The following TMEM14C variants were observed in gnomAD, a reference collection of about 807,000 sequenced individuals.
TMEM14C encodes transmembrane protein 14C, also known as chromosome 6 open reading frame 53.
In TMEM14C, 13 loss-of-function variants were observed where a neutral mutation model predicts 14.8. That is an observed-to-expected ratio of 0.88 (90% CI 0.57 to 1.40). TMEM14C has a LOEUF of 1.40. TMEM14C is among the 40% of genes most tolerant of loss of function. TMEM14C has a pLI of 0.00. For missense variants in TMEM14C, 142 were observed against 138.8 expected (o/e 1.02, Z -0.12); for synonymous variants, 57 against 51.3 (o/e 1.11, Z -0.48).
At chr6:10,726,131 C>A in intron 4 of TMEM14C, 123 bp downstream of exon 4, 4 of 1,057,150 alleles carry the variant, frequency 3.8e-6, no homozygotes, top group Non-Finnish European at 5.6e-6. Context: ...TTCACTGCTT[C>A]TACCAAGTCC....
At chr6:10,730,545 A>T in intron 5 of TMEM14C, 70 bp from the exon 6 acceptor site, 1 of 1,475,724 alleles carries the variant, frequency 6.8e-7, no homozygotes, top group Non-Finnish European at 9.4e-7. Flanking sequence ...CCAGCAGTTT[A>T]GTTCCTTAAA....
rs1380141884 is a variant in TMEM14C, at chr6:10,728,728, G to A, written c.287+1G>A. ...CTGCAGGTTTAATTGCAGGTGCCAG[G>A]TACTTTCATTCTATTACTCTTCTTT... On this transcript the variant is annotated splice_donor_variant, in intron 5 of 5. Transcript: ENST00000229563. LOFTEE classifies it high-confidence loss of function. The A allele has an allele frequency of 1.2e-6, 2 of 1,614,056 alleles. No homozygotes were observed. Among genetic ancestry groups the A allele is most frequent in the East Asian group, 2.2e-5 (1 of 44,898 alleles).
intron 3 of TMEM14C, among the ~76,000 whole-genome samples, chr6:10,725,262 A>G (rs541718346): frequency 6.6e-6 from 1 of 152,218 alleles, no homozygotes; most frequent in Admixed American, 6.5e-5. Flanking sequence ...TTGCCTCTTT[A>G]TCTACAGATA....
rs543928272 is a variant in TMEM14C at position 10,724,545 on chromosome 6, C to T, written c.-44-25C>T. 2.9e-3 allele frequency: 4,447 copies of T among 1,556,848 alleles called. 127 individuals carry two copies. In the African/African-American group the frequency reaches 0.051, roughly 18 times the overall value. On this transcript the variant is annotated intron_variant, in intron 1 of 5. Transcript: ENST00000229563. ...GCTGGAGAGCTGTGCTTTTAACTAC[C>T]TCTGATCCAGCTTGTTTTCTGCAGG...
intron 3 of TMEM14C, 152 bp from the exon 4 acceptor site, chr6:10,725,755 C>T: frequency 1.1e-6 from 1 of 879,766 alleles, no homozygotes; most frequent in Non-Finnish European, 1.7e-6. Flanking sequence ...AGCACACTCT[C>T]TGTAACGTCT....
At chr6:10,727,570 C>T (rs887608884) in intron 4 of TMEM14C, among the ~76,000 whole-genome samples, 2 of 152,056 alleles carry the variant, frequency 1.3e-5, no homozygotes, top group African/African-American at 2.4e-5. Context: ...TAACTCCTGA[C>T]TTCAGGTTTG....
chr6:10,724,692 C>T lies in TMEM14C; in HGVS notation c.20+59C>T, dbSNP rs1285982731. 12 of 1,536,712 alleles carry T rather than the reference C, an allele frequency of 7.8e-6. No individual in the cohort carries two copies. The Admixed American group carries it at 1.4e-4, about 18-fold the overall frequency. On this transcript the variant is annotated intron_variant, in intron 2 of 5. Transcript: ENST00000229563. ...AGCTTCTGGAAACCAGAGTTCCTTT[C>T]CTTAGCTGAAAAGAACCTTAAGAGT...
At chr6:10,730,500 C>T in intron 5 of TMEM14C, 115 bp from the exon 6 acceptor site, 1 of 997,072 alleles carries the variant, frequency 1.0e-6, no homozygotes, top group Non-Finnish European at 1.5e-6. Context: ...ACCACTCTTG[C>T]CTTAGTACCT....
chr6:10,727,817 T>C (rs1770911361), intron 4 of TMEM14C, among the ~76,000 whole-genome samples: 1 of 151,448 alleles, frequency 6.6e-6, no homozygotes, highest in Non-Finnish European at 1.5e-5. Flanking sequence ...CAAGACTCTG[T>C]CTCAAAAATT....
chr6:10,726,487 C>G (rs1465759210), intron 4 of TMEM14C, among the ~76,000 whole-genome samples: 1 of 152,170 alleles, frequency 6.6e-6, no homozygotes, highest in South Asian at 2.1e-4. Flanking sequence ...GTGAGAAGTT[C>G]GAGACCAGCC....
chr6:10,725,945 A>T lies in TMEM14C; in HGVS notation c.136A>T (p.Ser46Cys), dbSNP rs184417500. Residue 46 changes from serine (S) to cysteine (C), a missense_variant, in exon 4 of 6, where the codon AGT becomes TGT. Physicochemically the swap from Ser to Cys is moderately radical, Grantham distance 112. Coordinates refer to ENST00000229563, the MANE Select transcript of TMEM14C (RefSeq NM_016462.4). ...PSLAAGLLFG[S>C]LAGLGAYQLS... ...CCTGGCTGCAGGGCTGCTCTTTGGC[A>T]GTCTAGCCGGCCTGGGTGCTTACCA... 8.7e-6 allele frequency: 14 copies of T among 1,614,078 alleles called. No homozygotes were observed. The East Asian group carries it at 3.1e-4, about 36-fold the overall frequency.
At chr6:10,730,514 C>T (rs903855014) in intron 5 of TMEM14C, 101 bp from the exon 6 acceptor site, 3 of 1,166,568 alleles carry the variant, frequency 2.6e-6, no homozygotes, top group South Asian at 1.6e-5. Context: ...AGTACCTCCT[C>T]CCCCACGCAG....
chr6:10,724,883 C>CT, intron 2 of TMEM14C, 78 bp from the exon 3 acceptor site: 1 of 1,543,212 alleles, frequency 6.5e-7, no homozygotes, highest in Non-Finnish European at 9.0e-7. Context: ...GAATGATTAC[C>CT]TTTTAGTCCC....
chr6:10,729,350 G>A (rs1187218718), intron 5 of TMEM14C, among the ~76,000 whole-genome samples: 1 of 152,072 alleles, frequency 6.6e-6, no homozygotes, highest in East Asian at 1.9e-4. Flanking sequence ...GGCCAGGCTG[G>A]TCTGGAACTC....
intron 5 of TMEM14C, 51 bp downstream of exon 5, chr6:10,728,778 C>T (rs1770944486): frequency 6.2e-7 from 1 of 1,612,922 alleles, no homozygotes; most frequent in African/African-American, 1.3e-5. Flanking sequence ...AGTTTATTCC[C>T]CAGGATACCT....
chr6:10,726,473 C>T (rs1201265016), intron 4 of TMEM14C, among the ~76,000 whole-genome samples: 1 of 152,190 alleles, frequency 6.6e-6, no homozygotes, highest in African/African-American at 2.4e-5. Flanking sequence ...AAGTGGATTA[C>T]AAGGTGAGAA....
intron 4 of TMEM14C, among the ~76,000 whole-genome samples, chr6:10,726,511 GA>G (rs1402996371): frequency 1.3e-5 from 2 of 152,150 alleles, no homozygotes; most frequent in Non-Finnish European, 2.9e-5. Flanking sequence ...CCAACATGGT[GA>G]AACCCCATCT....
At chr6:10,728,512 T>TG (rs1770932826) in intron 4 of TMEM14C, 128 bp from the exon 5 acceptor site, 1 of 994,100 alleles carries the variant, frequency 1.0e-6, no homozygotes, top group Non-Finnish European at 1.5e-6. Flanking sequence ...CTCCCCGACT[T>TG]GGGGAAAGAG....
At chr6:10,723,886 C>G (rs939359137) in intron 1 of TMEM14C, among the ~76,000 whole-genome samples, 2 of 152,178 alleles carry the variant, frequency 1.3e-5, no homozygotes, top group Non-Finnish European at 2.9e-5. Context: ...TGACAGGCGT[C>G]AGCCACTGCG....
Sources: allele counts gnomAD v4.1 joint callset (sites outside exome capture counted in the v4.1 genomes callset), GRCh38; gene constraint gnomAD v4.1.1; transcripts MANE v1.5; gene names NCBI Gene and HGNC (gene_info 2026-07-23, HGNC 2026-07-21).